The following PKN2 variants were observed in gnomAD, a reference collection of about 807,000 sequenced individuals.
PKN2 encodes the protein protein kinase N2.
A neutral mutation model predicts 119.1 loss-of-function variants in PKN2; 38 were observed. That is an observed-to-expected ratio of 0.32 (90% CI 0.25 to 0.42). The LOEUF is 0.42. Ranked by LOEUF, PKN2 falls within the 10% of genes least tolerant of loss-of-function variation. The pLI is 1.00. For missense variants in PKN2, 850 were observed against 1,165.1 expected (o/e 0.73, Z 3.94); for synonymous variants, 390 against 384.9 (o/e 1.01, Z -0.15).
intron 1 of PKN2, among the ~76,000 whole-genome samples, chr1:88,717,665 A>G (rs918484412): frequency 6.6e-6 from 1 of 151,870 alleles, no homozygotes. Flanking sequence ...GGTCTTCTCC[A>G]TGCTATTTAT....
At chr1:88,721,308 A>T (rs1008614711) in intron 1 of PKN2, among the ~76,000 whole-genome samples, 1 of 152,116 alleles carries the variant, frequency 6.6e-6, no homozygotes, top group Non-Finnish European at 1.5e-5. Context: ...TTTTAAAATT[A>T]TGGCCATTCT....
chr1:88,820,472 G>A (rs1414888599), intron 16 of PKN2, among the ~76,000 whole-genome samples: 1 of 150,414 alleles, frequency 6.6e-6, no homozygotes, highest in Non-Finnish European at 1.5e-5. Context: ...GGTGGGGGTT[G>A]CGGTGAGCTG....
intron 17 of PKN2, among the ~76,000 whole-genome samples, chr1:88,822,608 TC>T (rs1386374499): frequency 6.6e-6 from 1 of 151,280 alleles, no homozygotes; most frequent in Non-Finnish European, 1.5e-5. Flanking sequence ...AGACGGAGTT[TC>T]GCTCTTGTCA....
intron 8 of PKN2, among the ~76,000 whole-genome samples, chr1:88,792,158 A>G (rs913741435): frequency 6.6e-6 from 1 of 152,154 alleles, no homozygotes; most frequent in Non-Finnish European, 1.5e-5. Flanking sequence ...TAATCCCAGC[A>G]CTTTGGGAGG....
Position 88,828,387 on chromosome 1 carries a change from A to G in PKN2, c.2420-94A>G, listed in dbSNP as rs527693511. On this transcript the variant is annotated intron_variant, in intron 18 of 21. Transcript: ENST00000370521. Reference sequence around the variant, plus strand: ...TTTGTTCACCATGCACAAATGTGCAACTTTAATTTTGCCTCCCAAAGATAG... The same window carrying G: ...TTTGTTCACCATGCACAAATGTGCAGCTTTAATTTTGCCTCCCAAAGATAG... 1.1e-5 allele frequency: 12 copies of G among 1,047,918 alleles called. No homozygotes were observed. In the South Asian group the frequency reaches 1.9e-4, roughly 16 times the overall value. The allele number at this position is 1,047,918 out of a possible 1,614,324, so 64.9% of individuals were successfully genotyped here. A position where few individuals can be genotyped will look rare whatever the true frequency, so the allele number is the denominator to read the frequency against.
chr1:88,687,599 T>C (rs58084033), intron 1 of PKN2, among the ~76,000 whole-genome samples: 7,014 of 152,252 alleles, frequency 0.046, 267 homozygotes, highest in African/African-American at 0.1. Flanking sequence ...AGCTACCTTG[T>C]TGATTATTGG....
chr1:88,768,187 C>G (rs1403782516), intron 3 of PKN2, among the ~76,000 whole-genome samples: 2 of 152,144 alleles, frequency 1.3e-5, no homozygotes, highest in Admixed American at 1.3e-4. Context: ...TCTGATATTT[C>G]TTTTTAAAAT....
intron 6 of PKN2, among the ~76,000 whole-genome samples, chr1:88,777,543 G>A (rs1311529053): frequency 6.6e-6 from 1 of 152,132 alleles, no homozygotes; most frequent in East Asian, 1.9e-4. Flanking sequence ...TCTGCTATAT[G>A]TTGAATGTAG....
intron 1 of PKN2, among the ~76,000 whole-genome samples, chr1:88,687,221 A>G (rs966318276): frequency 6.6e-6 from 1 of 152,154 alleles, no homozygotes; most frequent in Admixed American, 6.5e-5. Flanking sequence ...AGCATGGAGT[A>G]ATGTTTTTAA....
chr1:88,718,188 C>A (rs1667531880), intron 1 of PKN2, among the ~76,000 whole-genome samples: 1 of 152,192 alleles, frequency 6.6e-6, no homozygotes, highest in African/African-American at 2.4e-5. Flanking sequence ...CCTCTGGAAG[C>A]TTTGTCTCAG....
intron 2 of PKN2, among the ~76,000 whole-genome samples, chr1:88,752,326 C>T (rs1226904506): frequency 1.3e-5 from 2 of 151,960 alleles, no homozygotes; most frequent in Non-Finnish European, 2.9e-5. Context: ...TAGTCTTTGT[C>T]CCAGTTGATA....
chr1:88,718,133 G>A (rs1420284033), intron 1 of PKN2, among the ~76,000 whole-genome samples: 1 of 152,218 alleles, frequency 6.6e-6, no homozygotes, highest in East Asian at 1.9e-4. Context: ...GGAGGCTGCA[G>A]AACAGCAAAT....
At chr1:88,762,746 T>A (rs951215091) in intron 3 of PKN2, among the ~76,000 whole-genome samples, 3 of 152,208 alleles carry the variant, frequency 2.0e-5, no homozygotes, top group African/African-American at 2.4e-5. Context: ...CAATGGAGAA[T>A]AATCATTTAA....
At chr1:88,769,930 TAA>T (rs1444730764) in intron 3 of PKN2, among the ~76,000 whole-genome samples, 2 of 152,206 alleles carry the variant, frequency 1.3e-5, no homozygotes, top group Non-Finnish European at 2.9e-5. Flanking sequence ...GAAAATATGC[TAA>T]GAGAGTAAAT....
chr1:88,713,062 A>T (rs1295614704), intron 1 of PKN2, among the ~76,000 whole-genome samples: 1 of 152,144 alleles, frequency 6.6e-6, no homozygotes. Flanking sequence ...GCTCAGAATG[A>T]TGGTTTCCAG....
At chr1:88,720,496 A>G (rs1021777150) in intron 1 of PKN2, among the ~76,000 whole-genome samples, 3 of 151,992 alleles carry the variant, frequency 2.0e-5, no homozygotes, top group Non-Finnish European at 4.4e-5. Context: ...CATATTTCCA[A>G]AATGCTCCTA....
In PKN2 at chr1:88,771,857, A is replaced by G; in HGVS notation, c.963A>G (p.Leu321=). 2 of 1,613,240 alleles carry G rather than the reference A, an allele frequency of 1.2e-6. No individual in the cohort carries two copies. Among genetic ancestry groups the G allele is most frequent in the Non-Finnish European group, 1.7e-6 (2 of 1,179,242 alleles). The part of the protein sequence containing the change: ...MISTQNQYST[L]SKPAALTGTL... ...CTACGCAAAATCAATATAGTACACTATCCAAACCAGCAGCACTAACAGGTA... is the reference window on the plus strand; with the variant it reads ...CTACGCAAAATCAATATAGTACACTGTCCAAACCAGCAGCACTAACAGGTA... Residue 321 remains leucine (L), a synonymous_variant, in exon 6 of 22, where the codon CTA becomes CTG. Coordinates refer to ENST00000370521, the MANE Select transcript of PKN2 (RefSeq NM_006256.4).
chr1:88,752,790 C>T (rs2100766721), intron 2 of PKN2, among the ~76,000 whole-genome samples: 1 of 152,110 alleles, frequency 6.6e-6, no homozygotes, highest in East Asian at 1.9e-4. Flanking sequence ...TTTTCTGTAT[C>T]ATGTTTTAAA....
chr1:88,755,986 C>T (rs1020051928), intron 2 of PKN2, among the ~76,000 whole-genome samples: 34 of 151,242 alleles, frequency 2.2e-4, no homozygotes, highest in Non-Finnish European at 2.9e-5. Context: ...AATCTCCGCT[C>T]ACAGCAACCT....
Sources: allele counts gnomAD v4.1 joint callset (sites outside exome capture counted in the v4.1 genomes callset), GRCh38; gene constraint gnomAD v4.1.1; transcripts MANE v1.5; gene names NCBI Gene and HGNC (gene_info 2026-07-23, HGNC 2026-07-21).